Variants in MYO5C observed in about 807,000 individuals in gnomAD.
The protein encoded by MYO5C is myosin VC, also known as unconventional myosin-Vc.
Under a neutral mutation model 235.7 loss-of-function variants are expected in MYO5C, and 194 were observed. The ratio of observed to expected loss-of-function variants is 0.82; its 90% CI spans 0.73 to 0.93. The LOEUF is 0.93. Ranked by LOEUF, MYO5C falls within the 40% of genes least tolerant of loss-of-function variation. The probability of loss-of-function intolerance (pLI) is 0.00; values close to 1 mark genes in which losing one functional copy is unlikely to be tolerated. For missense variants in MYO5C, 2,038 were observed against 2,127.2 expected, an observed-to-expected ratio of 0.96 and a Z score of 0.82; for synonymous variants, 707 against 754.8, an observed-to-expected ratio of 0.94 and a Z score of 1.04.
chr15:52,247,053 T>A, intron 15 of MYO5C, 39 bp from the exon 16 acceptor site: 1 of 1,549,702 alleles, frequency 6.5e-7, no homozygotes, highest in Non-Finnish European at 8.9e-7. Context: ...GGCTCTGAAA[T>A]AATTTACTGC....
Position 52,280,837 on chromosome 15 carries a change from G to A in MYO5C, c.139-1163C>T, listed in dbSNP as rs560521615. Among the ~76,000 whole-genome samples, 8 of 152,312 alleles carry A rather than the reference G, an allele frequency of 5.3e-5. No individual in the cohort carries two copies. In the South Asian group the frequency reaches 1.5e-3, roughly 28 times the overall value. The stretch of plus-strand genomic sequence containing the variant: ...TTGTCCAAGGTCACACAGTTAATCT[G>A]AGCCTCACTCTGAAGCCTGTGCTCT... On this transcript the variant is annotated intron_variant, in intron 2 of 40. Coordinates refer to ENST00000261839, the MANE Select transcript of MYO5C (RefSeq NM_018728.4).
intron 23 of MYO5C, among the ~76,000 whole-genome samples, chr15:52,234,005 G>C (rs2036025504): frequency 6.6e-6 from 1 of 152,170 alleles, no homozygotes; most frequent in Admixed American, 6.5e-5. Flanking sequence ...AACGTTGTAA[G>C]GCAGCCAGGA....
chr15:52,206,100 G>C, intron 36 of MYO5C, 134 bp from the exon 37 acceptor site: 1 of 534,236 alleles, frequency 1.9e-6, no homozygotes. Context: ...GCTTGGGGTA[G>C]CATGTACCTT....
chr15:52,214,723 T>A (rs775941670), intron 32 of MYO5C, 33 bp from the exon 33 acceptor site: 1 of 1,461,710 alleles, frequency 6.8e-7, no homozygotes, highest in South Asian at 1.3e-5. Flanking sequence ...GGATTTAGCT[T>A]AGAAGCACTT....
In MYO5C at chr15:52,235,565, T is replaced by G; in HGVS notation, c.2962+105A>C. 4 of 814,506 alleles carry G rather than the reference T, an allele frequency of 4.9e-6. No individual in the cohort carries two copies. The South Asian group carries it at 7.6e-5, about 15-fold the overall frequency. The allele number at this position is 814,506 out of a possible 1,614,324, so 50.5% of individuals were successfully genotyped here. A position where few individuals can be genotyped will look rare whatever the true frequency, so the allele number is the denominator to read the frequency against. ...GTGAGCAAAAATTGCCTCACTAAAC[T>G]AAGTGTACACCAGAGACCCCTGGTT... is the stretch of plus-strand genomic sequence containing the variant. On this transcript the variant is annotated intron_variant, in intron 23 of 40. Coordinates refer to ENST00000261839, the MANE Select transcript of MYO5C (RefSeq NM_018728.4).
At position 52,235,722 on chromosome 15, in the gene MYO5C, T is replaced by C; in HGVS notation, c.2910A>G (p.Thr970=). The change falls in exon 23 of 41, where the codon ACA becomes ACG. Residue 970 remains threonine (T), a synonymous_variant. Coordinates refer to ENST00000261839, the MANE Select transcript of MYO5C (RefSeq NM_018728.4). Reference sequence around the variant, plus strand: ...GCTTCAGCTGTATTTGTTCTTTCTGTGTTTCCAGTTCTGAATTATGCTTCT... The same window carrying C: ...GCTTCAGCTGTATTTGTTCTTTCTGCGTTTCCAGTTCTGAATTATGCTTCT... ...KLQKHNSELE[T]QKEQIQLKLQ... is the part of the protein sequence containing the mutation. 1 of 1,612,678 alleles carries C rather than the reference T, an allele frequency of 6.2e-7. No individual in the cohort carries two copies. Among genetic ancestry groups the C allele is most frequent in the South Asian group, 1.1e-5 (1 of 90,570 alleles).
intron 24 of MYO5C, among the ~76,000 whole-genome samples, chr15:52,231,988 G>A (rs2035960948): frequency 6.6e-6 from 1 of 152,046 alleles, no homozygotes; most frequent in African/African-American, 2.4e-5. Context: ...CAATAGGTGG[G>A]GAAGGAAAGG....
chr15:52,235,538 T>C (rs1467658289), intron 23 of MYO5C, 132 bp downstream of exon 23: 2 of 612,444 alleles, frequency 3.3e-6, no homozygotes, highest in Non-Finnish European at 5.6e-6. Flanking sequence ...TGGCTATTCC[T>C]TGTGAGCAAA....
intron 23 of MYO5C, 71 bp downstream of exon 23, chr15:52,235,599 G>T: frequency 8.1e-7 from 1 of 1,239,360 alleles, no homozygotes; most frequent in Non-Finnish European, 1.1e-6. Flanking sequence ...TTCTAAAACT[G>T]GTCAACCCCA....
chr15:52,255,883 G>GA lies in MYO5C; in HGVS notation c.1395+755dup, dbSNP rs971883276. Among the ~76,000 whole-genome samples, 1,010 of 149,808 alleles carry GA rather than the reference G, an allele frequency of 6.7e-3. 8 individuals are homozygous for GA. The highest frequency in any genetic ancestry group is 0.023 in the African/African-American group (958 of 40,974). Reference sequence around the variant, plus strand: ...TTTGAATAAACAAATCTTCCCAGTGGAAAAAAAAAATTGGAATCCATCTCC... The same window carrying GA: ...TTTGAATAAACAAATCTTCCCAGTGGAAAAAAAAAAATTGGAATCCATCTCC... On this transcript the variant is annotated intron_variant, in intron 11 of 40. Coordinates refer to ENST00000261839, the MANE Select transcript of MYO5C (RefSeq NM_018728.4).
intron 7 of MYO5C, 58 bp downstream of exon 7, chr15:52,271,705 C>T: frequency 1.0e-6 from 1 of 972,610 alleles, no homozygotes. Flanking sequence ...AGAAAGTTAA[C>T]CTAGAATTTA....
chr15:52,251,355 G>C (rs371443384), intron 13 of MYO5C, 35 bp downstream of exon 13: 1 of 1,562,554 alleles, frequency 6.4e-7, no homozygotes, highest in Non-Finnish European at 8.7e-7. Context: ...TACAGGTTCC[G>C]GGGTTGACAG....
rs769402832 is a variant in MYO5C, at chr15:52,196,342, G to C, written c.4962C>G (p.Ile1654Met). 1 of 1,613,516 alleles carries C rather than the reference G, an allele frequency of 6.2e-7. No homozygotes were observed. The highest frequency in any genetic ancestry group is 1.3e-5 in the African/African-American group (1 of 74,888). The part of the protein sequence containing the change: ...KKTTDSDAKE[I>M]YERCTSLSAV... ...CAGACAGTGAGGTGCAGCGTTCGTA[G>C]ATCTCCTTGGCATCACTGTCTGTGG... is the stretch of plus-strand genomic sequence containing the variant. The change falls in exon 39 of 41, where the codon ATC becomes ATG. Residue 1654 changes from isoleucine to methionine, a missense_variant. By Grantham distance (10) the Ile-to-Met change is conservative. Transcript: ENST00000261839.
intron 38 of MYO5C, among the ~76,000 whole-genome samples, chr15:52,201,223 C>A (rs527818663): frequency 2.6e-5 from 4 of 152,100 alleles, no homozygotes; most frequent in African/African-American, 9.6e-5. Flanking sequence ...GAAATCCACA[C>A]CCAGACACAT....
intron 25 of MYO5C, 94 bp from the exon 26 acceptor site, chr15:52,225,626 A>G (rs2035805196): frequency 1.2e-6 from 1 of 832,074 alleles, no homozygotes; most frequent in East Asian, 2.5e-5. Context: ...TTGCGTGTCT[A>G]TGCAAGACAT....
intron 1 of MYO5C, among the ~76,000 whole-genome samples, chr15:52,291,883 C>T (rs1350370498): frequency 6.6e-6 from 1 of 151,400 alleles, no homozygotes; most frequent in Admixed American, 6.6e-5. Flanking sequence ...GGACTACAGG[C>T]GCCTGCCACC....
In MYO5C at chr15:52,219,106, G is replaced by A. The variant is rs572482228; in HGVS notation, c.3786-419C>T. On this transcript the variant is annotated intron_variant, in intron 31 of 40. Coordinates refer to ENST00000261839, the MANE Select transcript of MYO5C (RefSeq NM_018728.4). ...TAGAAGAGTTCCAAAATGGTGCCTC[G>A]CTCCTTTTCCACTACTTTGGGTCCT... Among the ~76,000 whole-genome samples the A allele has an allele frequency of 3.9e-5, 6 of 152,282 alleles. No homozygotes were observed. The East Asian group carries it at 7.7e-4, about 20-fold the overall frequency.
At chr15:52,288,765 G>A (rs1347425111) in intron 1 of MYO5C, among the ~76,000 whole-genome samples, 1 of 152,224 alleles carries the variant, frequency 6.6e-6, no homozygotes, top group Non-Finnish European at 1.5e-5. Flanking sequence ...GACTGGGATG[G>A]AACAGCTCGC....
intron 3 of MYO5C, among the ~76,000 whole-genome samples, 166 bp from the exon 4 acceptor site, chr15:52,279,183 T>G (rs1261312589): frequency 6.6e-6 from 1 of 151,932 alleles, no homozygotes; most frequent in Non-Finnish European, 1.5e-5. Context: ...ACCTACACCC[T>G]CGGGCTGTTC....
Sources: allele counts gnomAD v4.1 joint callset (sites outside exome capture counted in the v4.1 genomes callset), GRCh38; gene constraint gnomAD v4.1.1; transcripts MANE v1.5; gene names NCBI Gene and HGNC (gene_info 2026-07-23, HGNC 2026-07-21).